The following CLPTM1L variants were observed in gnomAD, a reference collection of about 807,000 sequenced individuals.
CLPTM1L encodes the protein lipid scramblase CLPTM1L.
A neutral mutation model predicts 70.9 loss-of-function variants in CLPTM1L; 38 were observed. That is an observed-to-expected ratio of 0.54 (90% CI 0.41 to 0.70). The LOEUF is 0.70. Among genes scored for constraint, CLPTM1L ranks in the 30% least tolerant of loss-of-function variants. The pLI, the probability that CLPTM1L is intolerant of heterozygous loss-of-function variation, is 0.00. For missense variants in CLPTM1L, 652 were observed against 705.9 expected (o/e 0.92, Z 0.87); for synonymous variants, 339 against 299.9 (o/e 1.13, Z -1.35).
chr5:1,328,387 A>G (rs1240601312), intron 9 of CLPTM1L, among the ~76,000 whole-genome samples: 1 of 146,548 alleles, frequency 6.8e-6, no homozygotes, highest in East Asian at 2.0e-4. Context: ...CTCTACAGGG[A>G]CATTTCTTCC....
chr5:1,330,456 AC>A, intron 8 of CLPTM1L, 73 bp from the exon 9 acceptor site: 1 of 1,249,158 alleles, frequency 8.0e-7, no homozygotes, highest in Non-Finnish European at 1.2e-6. Flanking sequence ...TCACACACAT[AC>A]CCCCAGTCCC....
intron 4 of CLPTM1L, chr5:1,338,221 T>C: frequency 1.7e-6 from 1 of 578,414 alleles, no homozygotes; most frequent in Non-Finnish European, 3.1e-6. Flanking sequence ...GGAAAATGCC[T>C]CCACGGCCAC....
At chr5:1,325,457 G>A (rs1752464864) in intron 10 of CLPTM1L, 1 of 482,856 alleles carries the variant, frequency 2.1e-6, no homozygotes, top group Non-Finnish European at 3.7e-6. Context: ...TGGACAAGGT[G>A]CCAAAACGAA....
In CLPTM1L at chr5:1,321,682, G is replaced by A. The variant is rs1752161170; in HGVS notation, c.1372-3C>T. On this transcript the variant is annotated splice_region_variant and splice_polypyrimidine_tract_variant and intron_variant, in intron 14 of 16. Transcript: ENST00000320895. ...GGCAGATGTGCCACTGACTTCAACT[G>A]AAACAGGAGAGACAGGCCCAGGTCA... 6.2e-7 allele frequency: 1 copy of A among 1,614,022 alleles called. No homozygotes were observed. Among genetic ancestry groups the A allele is most frequent in the Non-Finnish European group, 8.5e-7 (1 of 1,180,032 alleles).
At chr5:1,326,332 C>G (rs543857937) in intron 9 of CLPTM1L, 8 of 262,458 alleles carry the variant, frequency 3.0e-5, no homozygotes, top group Admixed American at 1.6e-4. Context: ...GACATTCCAT[C>G]CAGCTCCTCC....
At position 1,323,825 on chromosome 5, in the gene CLPTM1L, C is replaced by T. The variant is rs369954976; in HGVS notation, c.1242G>A (p.Gly414=). ...LSYLLYPLCV[G]GAVYSLLNIK... ...TATTCAGGAGTGAATAGACAGCACC[C>T]CCGACACAGAGAGGGTACAGCAGGT... Residue 414 remains glycine, a synonymous_variant, in exon 12 of 17, where the codon GGG becomes GGA. Transcript: ENST00000320895. 2.5e-6 allele frequency: 4 copies of T among 1,613,920 alleles called. No homozygotes were observed. Among genetic ancestry groups the T allele is most frequent in the Admixed American group, 1.7e-5 (1 of 60,032 alleles).
At chr5:1,320,765 G>C in intron 15 of CLPTM1L, 34 bp from the exon 16 acceptor site, 1 of 1,293,080 alleles carries the variant, frequency 7.7e-7, no homozygotes, top group Non-Finnish European at 1.1e-6. Context: ...GTGAACCCCA[G>C]TTGCTGGGGC....
At chr5:1,334,218 C>A in intron 7 of CLPTM1L, 71 bp downstream of exon 7, 7 of 1,107,794 alleles carry the variant, frequency 6.3e-6, no homozygotes, top group African/African-American at 1.6e-5. Context: ...AGGTCCAGGA[C>A]CCCTGCAGGA....
chr5:1,331,875 A>G lies in CLPTM1L; in HGVS notation c.900T>C (p.Phe300=). The part of the protein sequence containing the change: ...TFFVAAFHLL[F]DFLAFKNDIS... Reference sequence around the variant, plus strand: ...TGTCATTTTTAAAGGCCAGGAAATCAAAGAGAAGCTAGAGAGAACACACAC... The same window carrying G: ...TGTCATTTTTAAAGGCCAGGAAATCGAAGAGAAGCTAGAGAGAACACACAC... Residue 300 remains phenylalanine (F), a synonymous_variant, in exon 8 of 17, where the codon TTT becomes TTC. Transcript: ENST00000320895. The G allele has an allele frequency of 1.2e-6, 2 of 1,613,324 alleles. No homozygotes were observed. The highest frequency in any genetic ancestry group is 1.7e-6 in the Non-Finnish European group (2 of 1,179,884).
chr5:1,334,284 C>G lies in CLPTM1L; in HGVS notation c.891+5G>C. 1 of 1,612,360 alleles carries G rather than the reference C, an allele frequency of 6.2e-7. No individual in the cohort carries two copies. The highest frequency in any genetic ancestry group is 1.7e-5 in the Admixed American group (1 of 59,972). ...CTGCGGCAAGCCCCCCGGTGGATGA[C>G]TCACATGGAACGCTGCGACAAAGAA... On this transcript the variant is annotated splice_donor_5th_base_variant and intron_variant, in intron 7 of 16. Transcript: ENST00000320895.
intron 3 of CLPTM1L, among the ~76,000 whole-genome samples, 167 bp downstream of exon 3, chr5:1,341,504 A>T (rs1024647551): frequency 6.6e-6 from 1 of 152,210 alleles, no homozygotes; most frequent in Non-Finnish European, 1.5e-5. Context: ...CATGGATATG[A>T]TTCAGCTGAA....
intron 7 of CLPTM1L, 133 bp from the exon 8 acceptor site, chr5:1,332,016 C>T: frequency 1.4e-6 from 1 of 734,674 alleles, no homozygotes; most frequent in Non-Finnish European, 2.3e-6. Context: ...GGATAAGTGT[C>T]TACACTCGGG....
intron 8 of CLPTM1L, chr5:1,330,694 C>T (rs1409229859): frequency 3.7e-5 from 14 of 377,458 alleles, no homozygotes; most frequent in Middle Eastern, 6.9e-4. Context: ...GCTTTGCTTC[C>T]GGGCGTGTCT....
At chr5:1,340,341 C>T (rs908782464) in intron 3 of CLPTM1L, among the ~76,000 whole-genome samples, 1 of 152,208 alleles carries the variant, frequency 6.6e-6, no homozygotes, top group African/African-American at 2.4e-5. Context: ...CTGAGGATTA[C>T]ACACGGCTCT....
intron 3 of CLPTM1L, among the ~76,000 whole-genome samples, chr5:1,339,571 G>A (rs1399169409): frequency 2.3e-5 from 3 of 129,578 alleles, no homozygotes; most frequent in Admixed American, 7.7e-5. Context: ...ACCGCGCCCG[G>A]ACAGCAGGGT....
Position 1,335,074 on chromosome 5 carries a change from T to C in CLPTM1L, c.779A>G (p.Tyr260Cys). The C allele has an allele frequency of 6.2e-7, 1 of 1,612,982 alleles. No individual in the cohort carries two copies. Among genetic ancestry groups the C allele is most frequent in the South Asian group, 1.1e-5 (1 of 91,064 alleles). Residue 260 changes from tyrosine to cysteine, a missense_variant, in exon 6 of 17, where the codon TAC (tyrosine) becomes TGC (cysteine). By Grantham distance (194) the Tyr-to-Cys change is radical. Transcript: ENST00000320895. ...RFWIHMQDAVYSLQQFGFSEK... is the reference protein window; with the variant it reads ...RFWIHMQDAVCSLQQFGFSEK... ...GCACATACCGAACTGCTGCAGGGAGTACACGGCGTCCTGCATGTGGATCCA... is the reference window on the plus strand; with the variant it reads ...GCACATACCGAACTGCTGCAGGGAGCACACGGCGTCCTGCATGTGGATCCA...
Position 1,344,038 on chromosome 5 carries a change from CAG to C in CLPTM1L, c.263+311_263+312del, listed in dbSNP as rs1235023901. 1.1e-4 allele frequency among the ~76,000 whole-genome samples: 17 copies of C among 152,370 alleles called. 1 individual carries two copies. The South Asian group carries it at 2.9e-3, about 26-fold the overall frequency. On this transcript the variant is annotated intron_variant, in intron 2 of 16. Transcript: ENST00000320895. ...AAGTTGGTCCCCGGTAGTGAAACTG[CAG>C]AGTTGTCTGCTCTCCACTGGTTCAC...
At chr5:1,333,803 G>T (rs150701442) in intron 7 of CLPTM1L, among the ~76,000 whole-genome samples, 2 of 60,544 alleles carry the variant, frequency 3.3e-5, no homozygotes, top group Admixed American at 4.8e-4. Flanking sequence ...TACACATCGG[G>T]TAAGGGGGAA....
chr5:1,319,935 G>A (rs1752053144), intron 16 of CLPTM1L, among the ~76,000 whole-genome samples: 1 of 152,236 alleles, frequency 6.6e-6, no homozygotes, highest in Non-Finnish European at 1.5e-5. Flanking sequence ...CAGCAGAGCT[G>A]GAGGGAGGTT....
Sources: gnomAD v4.1 joint callset for allele counts (sites outside exome capture counted in the v4.1 genomes callset) on GRCh38, gnomAD v4.1.1 for gene constraint, MANE v1.5 for transcripts, NCBI Gene and HGNC (gene_info 2026-07-23, HGNC 2026-07-21) for gene names.